The following BORCS8 variants were observed in gnomAD, a reference collection of about 807,000 sequenced individuals.
The protein encoded by BORCS8 is BLOC-1-related complex subunit 8.
In BORCS8, 13 loss-of-function variants were observed where a neutral mutation model predicts 18.7. That is an observed-to-expected ratio of 0.70 (90% CI 0.45 to 1.11). The LOEUF (loss-of-function observed/expected upper bound fraction) is 1.11. Among genes scored for constraint, BORCS8 ranks in the 50% least tolerant of loss-of-function variants. The pLI, the probability that BORCS8 is intolerant of heterozygous loss-of-function variation, is 0.00. For synonymous variants in BORCS8, 68 were observed against 64.8 expected (o/e 1.05, Z -0.24); for missense variants, 165 against 165.7 (o/e 1.00, Z 0.02).
Position 19,186,912 on chromosome 19 carries a change from G to A in BORCS8, c.131C>T (p.Pro44Leu), listed in dbSNP as rs1210856358. The A allele has an allele frequency of 1.3e-6, 2 of 1,550,186 alleles. No individual in the cohort carries two copies. The highest frequency in any genetic ancestry group is 3.9e-5 in the Admixed American group (2 of 50,900). ...RLQEHVRRSLPELAQHKADMQ... is the reference protein window; with the variant it reads ...RLQEHVRRSLLELAQHKADMQ... ...GCTCACCTTGTGCTGGGCCAGCTCG[G>A]GGAGGGAGCGACGCACATGCTCCTG... The change falls in exon 2 of 6, where the codon CCC becomes CTC. Residue 44 changes from proline to leucine, a missense_variant. By Grantham distance (98) the Pro-to-Leu change is moderately conservative (BLOSUM62 -3). Coordinates refer to ENST00000462790, the MANE Select transcript of BORCS8 (RefSeq NM_001145784.2).
chr19:19,183,491 T>G (rs1028752331), intron 3 of BORCS8, among the ~76,000 whole-genome samples: 2 of 152,124 alleles, frequency 1.3e-5, no homozygotes, highest in South Asian at 2.1e-4. Context: ...CTGGGGCAAC[T>G]TCTGTGGTGA....
At chr19:19,184,598 G>A (rs888675603) in intron 3 of BORCS8, among the ~76,000 whole-genome samples, 3 of 151,652 alleles carry the variant, frequency 2.0e-5, no homozygotes, top group South Asian at 2.1e-4. Context: ...CACCGCGCCC[G>A]GTCTGTTTTT....
rs1317711148 is a variant in BORCS8 at position 19,192,008 on chromosome 19, G to A, written c.37+73C>T. Reference sequence around the variant, plus strand: ...TCACTGCTCCTCGCACGGTCCCTCCGCGCCCGGCCTTTGTCAGGCCGCCCC... The same window carrying A: ...TCACTGCTCCTCGCACGGTCCCTCCACGCCCGGCCTTTGTCAGGCCGCCCC... On this transcript the variant is annotated intron_variant, in intron 1 of 5. Coordinates refer to ENST00000462790, the MANE Select transcript of BORCS8 (RefSeq NM_001145784.2). The A allele has an allele frequency of 2.0e-5, 31 of 1,534,066 alleles. 1 individual carries two copies. The Admixed American group carries it at 4.7e-4, about 23-fold the overall frequency.
intron 3 of BORCS8, among the ~76,000 whole-genome samples, chr19:19,184,574 T>C (rs1449205697): frequency 6.6e-6 from 1 of 152,080 alleles, no homozygotes; most frequent in Non-Finnish European, 1.5e-5. Flanking sequence ...AGTGCTGGGA[T>C]TACAGGTGTG....
chr19:19,185,133 T>C (rs1411845663), intron 3 of BORCS8, among the ~76,000 whole-genome samples: 1 of 152,268 alleles, frequency 6.6e-6, no homozygotes, highest in South Asian at 2.1e-4. Flanking sequence ...AATGGCAGAA[T>C]ACTGCCCCAG....
intron 5 of BORCS8, chr19:19,177,677 GAAGGAAGGAAGGAAGGAAGAGAAAAGA>G (rs1259314441): frequency 4.5e-4 from 39 of 87,154 alleles, no homozygotes; most frequent in African/African-American, 1.9e-3. Context: ...AGGAAGGAAG[GAAGGAAGGAAGGAAGGAAGAGAAAAGA>G]AAAGAAAAGA....
chr19:19,189,912 G>A (rs1339490214), intron 1 of BORCS8, among the ~76,000 whole-genome samples: 1 of 144,872 alleles, frequency 6.9e-6, no homozygotes, highest in Admixed American at 7.1e-5. Context: ...GTGAGACTCT[G>A]TCCCAAAAAA....
intron 5 of BORCS8, 36 bp downstream of exon 5, chr19:19,180,650 C>CAG (rs540327859): frequency 2.8e-6 from 4 of 1,413,320 alleles, no homozygotes; most frequent in Non-Finnish European, 9.8e-7. Context: ...TAGTTCAGAG[C>CAG]AGAGAGAGAG....
chr19:19,191,967 T>C, intron 1 of BORCS8, 114 bp downstream of exon 1: 1 of 1,283,154 alleles, frequency 7.8e-7, no homozygotes, highest in Non-Finnish European at 1.1e-6. Context: ...AGAGCTGGGA[T>C]TGGACGGCAG....
chr19:19,185,076 C>A (rs1033518793), intron 3 of BORCS8, among the ~76,000 whole-genome samples: 1 of 152,248 alleles, frequency 6.6e-6, no homozygotes, highest in Admixed American at 6.5e-5. Context: ...AAGGAAGATA[C>A]TGTCTGTCTG....
intron 1 of BORCS8, among the ~76,000 whole-genome samples, chr19:19,190,131 T>A (rs190099343): frequency 6.6e-6 from 1 of 152,096 alleles, no homozygotes; most frequent in Non-Finnish European, 1.5e-5. Flanking sequence ...AGATGACCCC[T>A]CCACCTCACG....
intron 4 of BORCS8, 42 bp from the exon 5 acceptor site, chr19:19,180,803 A>G (rs2060341151): frequency 6.6e-7 from 1 of 1,517,634 alleles, no homozygotes; most frequent in South Asian, 1.3e-5. Flanking sequence ...CCAAGGTCAG[A>G]GGCCACAAGG....
At chr19:19,187,198 C>T (rs970827763) in intron 1 of BORCS8, among the ~76,000 whole-genome samples, 193 bp from the exon 2 acceptor site, 2 of 152,094 alleles carry the variant, frequency 1.3e-5, no homozygotes, top group Admixed American at 1.3e-4. Flanking sequence ...TTAATGAGAC[C>T]GGGTGCGGTG....
intron 2 of BORCS8, 120 bp from the exon 3 acceptor site, chr19:19,186,218 C>G (rs1876198434): frequency 1.1e-6 from 1 of 891,552 alleles, no homozygotes. Flanking sequence ...GACCTTTCCT[C>G]CTGCAACTCC....
At chr19:19,184,772 G>C (rs1178292669) in intron 3 of BORCS8, among the ~76,000 whole-genome samples, 1 of 151,706 alleles carries the variant, frequency 6.6e-6, no homozygotes, top group African/African-American at 2.4e-5. Flanking sequence ...GCTAGTTTTT[G>C]TATTTTTTGT....
In BORCS8 at chr19:19,180,702, T is replaced by TG. The variant is rs760059623; in HGVS notation, c.*25dup. The TG allele has an allele frequency of 3.9e-6, 6 of 1,548,534 alleles. No homozygotes were observed. Among genetic ancestry groups the TG allele is most frequent in the African/African-American group, 2.7e-5 (2 of 73,066 alleles). On this transcript the variant is annotated 3_prime_UTR_variant, in exon 5 of 6. Coordinates refer to ENST00000462790, the MANE Select transcript of BORCS8 (RefSeq NM_001145784.2). The stretch of plus-strand genomic sequence containing the variant: ...GGCACTGACCTGGGTTGGCGGAGGC[T>TG]GGGGGGCCCCGAGTCTCTTCCAGGA...
In BORCS8 at chr19:19,181,866, G is replaced by A. The variant is rs964102270; in HGVS notation, c.326+707C>T. On this transcript the variant is annotated intron_variant, in intron 4 of 5. Coordinates refer to ENST00000462790, the MANE Select transcript of BORCS8 (RefSeq NM_001145784.2). ...ATCCCAAGGCGACATTCCTGCTCCT[G>A]GCACATGAGTGTGTGTTCATAAGCG... is the stretch of plus-strand genomic sequence containing the variant. 7 of 985,254 alleles carry A rather than the reference G, an allele frequency of 7.1e-6. No homozygotes were observed. The African/African-American group carries it at 1.0e-4, about 15-fold the overall frequency. The allele number at this position is 985,254 out of a possible 1,614,324, so 61.0% of individuals were successfully genotyped here.
At chr19:19,189,966 A>T (rs1479223347) in intron 1 of BORCS8, among the ~76,000 whole-genome samples, 1 of 151,840 alleles carries the variant, frequency 6.6e-6, no homozygotes, top group Non-Finnish European at 1.5e-5. Flanking sequence ...TCCTTTATTC[A>T]TTACAGCAGA....
chr19:19,191,421 G>C (rs1011797706), intron 1 of BORCS8, among the ~76,000 whole-genome samples: 10 of 150,724 alleles, frequency 6.6e-5, no homozygotes, highest in African/African-American at 2.4e-4. Flanking sequence ...GCGCCAGAGA[G>C]ATCGAGGCTA....
Sources: gnomAD v4.1 joint callset for allele counts (sites outside exome capture counted in the v4.1 genomes callset) on GRCh38, gnomAD v4.1.1 for gene constraint, MANE v1.5 for transcripts, NCBI Gene and HGNC (gene_info 2026-07-23, HGNC 2026-07-21) for gene names.